Variants in LHFPL3 observed in about 807,000 individuals in gnomAD.
The protein encoded by LHFPL3 is LHFPL tetraspan subfamily member 3 protein.
Under a neutral mutation model 19.3 loss-of-function variants are expected in LHFPL3, and 5 were observed. The observed-to-expected ratio is 0.26, with a 90% CI of 0.14 to 0.54. The LOEUF is 0.54. LHFPL3 is among the 20% of genes least tolerant of loss of function. The pLI, the probability that LHFPL3 is intolerant of heterozygous loss-of-function variation, is 0.94. For missense variants in LHFPL3, 249 were observed against 307.4 expected (o/e 0.81, Z 1.42); for synonymous variants, 133 against 126.2 (o/e 1.05, Z -0.36).
At chr7:104,569,426 G>A (rs939416638) in intron 1 of LHFPL3, among the ~76,000 whole-genome samples, 3 of 152,268 alleles carry the variant, frequency 2.0e-5, no homozygotes, top group Non-Finnish European at 2.9e-5. Flanking sequence ...AATGTAGAAA[G>A]AACTGCACAC....
intron 2 of LHFPL3, among the ~76,000 whole-genome samples, chr7:104,846,193 T>A (rs1192131483): frequency 1.3e-5 from 2 of 152,074 alleles, no homozygotes; most frequent in Non-Finnish European, 2.9e-5. Flanking sequence ...CCAAACTGAG[T>A]GATTTCAATA....
Position 104,328,924 on chromosome 7 carries a change from A to G in LHFPL3, c.145A>G (p.Ile49Val). The change falls in exon 1 of 3, where the codon ATC becomes GTC. Residue 49 changes from isoleucine to valine, a missense_variant. Coordinates refer to ENST00000424859, the MANE Select transcript of LHFPL3 (RefSeq NM_199000.3). This position sits in a 1 kb window ranked among gnomAD's most constrained non-coding sequence, Gnocchi z 4.6. ...GGCCATCTTCACCATCTGCTTTGCC[A>G]TCGTCAACGTGGTGTGCTTCATCCA... ...LWAIFTICFA[I>V]VNVVCFIQPY... The G allele has an allele frequency of 6.2e-7, 1 of 1,614,140 alleles. No homozygotes were observed. Among genetic ancestry groups the G allele is most frequent in the Non-Finnish European group, 8.5e-7 (1 of 1,180,016 alleles).
chr7:104,670,498 A>G (rs1198388314), intron 1 of LHFPL3, among the ~76,000 whole-genome samples: 1 of 152,186 alleles, frequency 6.6e-6, no homozygotes, highest in East Asian at 1.9e-4. Flanking sequence ...TAAGTTCTTC[A>G]TGCTACTCTT....
intron 1 of LHFPL3, among the ~76,000 whole-genome samples, chr7:104,700,665 CAGAGA>C: frequency 6.6e-6 from 1 of 152,318 alleles, no homozygotes; most frequent in Non-Finnish European, 1.5e-5. Flanking sequence ...ATGGGTGACT[CAGAGA>C]AGAGTATTTT....
At chr7:104,873,097 A>G (rs912783222) in intron 2 of LHFPL3, among the ~76,000 whole-genome samples, 4 of 152,218 alleles carry the variant, frequency 2.6e-5, no homozygotes, top group African/African-American at 9.6e-5. Context: ...TGGGACCACC[A>G]TCATATATGC....
At chr7:104,491,097 T>C (rs1793337533) in intron 1 of LHFPL3, among the ~76,000 whole-genome samples, 1 of 152,150 alleles carries the variant, frequency 6.6e-6, no homozygotes, top group Non-Finnish European at 1.5e-5. Flanking sequence ...ACAGAAGCCA[T>C]GGGCCTCAGT....
In LHFPL3 at chr7:104,443,440, T is replaced by A. The variant is rs185222571; in HGVS notation, c.445+114216T>A. On this transcript the variant is annotated intron_variant, in intron 1 of 2. Transcript: ENST00000424859. ...TATTGTGTAACTTATCAAGCGCCAC[T>A]AGACATCTTGGTATGACCCCCTCCC... 2.7e-4 allele frequency among the ~76,000 whole-genome samples: 41 copies of A among 152,310 alleles called. No homozygotes were observed. The East Asian group carries it at 7.3e-3, about 27-fold the overall frequency.
chr7:104,668,905 C>A, intron 1 of LHFPL3: 1 of 1,612,324 alleles, frequency 6.2e-7, no homozygotes, highest in Non-Finnish European at 8.5e-7. Flanking sequence ...GAAGTTGCAG[C>A]GTCAGCTGGA....
chr7:104,746,512 G>T (rs1194938564), intron 2 of LHFPL3, among the ~76,000 whole-genome samples: 1 of 152,204 alleles, frequency 6.6e-6, no homozygotes, highest in East Asian at 1.9e-4. Context: ...TCACCAGTTT[G>T]TTTTATTATA....
intron 1 of LHFPL3, among the ~76,000 whole-genome samples, chr7:104,430,405 C>CACAT (rs1791953828): frequency 4.5e-5 from 1 of 22,456 alleles, no homozygotes; most frequent in African/African-American, 1.9e-4. Context: ...TATATATATA[C>CACAT]ATATATATAT....
intron 1 of LHFPL3, among the ~76,000 whole-genome samples, chr7:104,344,177 T>C (rs1271767750): frequency 6.6e-6 from 1 of 152,180 alleles, no homozygotes; most frequent in Non-Finnish European, 1.5e-5. Context: ...GATTTTCTAA[T>C]GTTGAAGTAA....
intron 1 of LHFPL3, among the ~76,000 whole-genome samples, chr7:104,683,861 T>C (rs888015549): frequency 1.3e-5 from 2 of 152,262 alleles, no homozygotes; most frequent in African/African-American, 4.8e-5. Flanking sequence ...TTTCCATTTA[T>C]TCAAATTAAA....
intron 1 of LHFPL3, among the ~76,000 whole-genome samples, chr7:104,354,937 G>A (rs1790246755): frequency 6.6e-6 from 1 of 151,792 alleles, no homozygotes; most frequent in African/African-American, 2.4e-5. Context: ...TTTTCTTTTT[G>A]TACTGTCTTT....
intron 1 of LHFPL3, among the ~76,000 whole-genome samples, chr7:104,495,590 A>G (rs550643770): frequency 5.5e-4 from 83 of 152,196 alleles, no homozygotes; most frequent in African/African-American, 1.3e-3. Context: ...TCACCATGTT[A>G]GCCAGGATGG....
At chr7:104,470,950 C>G (rs1006454458) in intron 1 of LHFPL3, among the ~76,000 whole-genome samples, 1 of 152,092 alleles carries the variant, frequency 6.6e-6, no homozygotes, top group Non-Finnish European at 1.5e-5. Context: ...CCCCCTGCCC[C>G]TAGCTCACAG....
rs938725335 is a variant in LHFPL3, at chr7:104,899,820, C to T, written c.683-6367C>T. 2.8e-4 allele frequency among the ~76,000 whole-genome samples: 42 copies of T among 152,256 alleles called. 1 individual carries two copies. Among genetic ancestry groups the T allele is most frequent in the African/African-American group, 1.0e-3 (42 of 41,552 alleles). On this transcript the variant is annotated intron_variant, in intron 2 of 2. Coordinates refer to ENST00000424859, the MANE Select transcript of LHFPL3 (RefSeq NM_199000.3). ...GATCTCAACTCACTGCAACCTCTGC[C>T]TCCTGGGTTCAAGTGATTATCCTGC...
intron 1 of LHFPL3, among the ~76,000 whole-genome samples, chr7:104,369,370 A>G (rs1045168011): frequency 7.2e-5 from 11 of 152,236 alleles, no homozygotes; most frequent in Admixed American, 1.3e-4. Context: ...AATGCTTTTA[A>G]GCACCGTACA....
At chr7:104,601,654 TA>T (rs1297942699) in intron 1 of LHFPL3, among the ~76,000 whole-genome samples, 1 of 152,158 alleles carries the variant, frequency 6.6e-6, no homozygotes, top group African/African-American at 2.4e-5. Flanking sequence ...TTGGACATCT[TA>T]TTGCCCACAG....
intron 2 of LHFPL3, among the ~76,000 whole-genome samples, chr7:104,822,649 C>T (rs1278837882): frequency 6.6e-6 from 1 of 152,138 alleles, no homozygotes; most frequent in Non-Finnish European, 1.5e-5. Flanking sequence ...AATAGTTTTT[C>T]TTATTCACAC....
Sources: allele counts gnomAD v4.1 joint callset (sites outside exome capture counted in the v4.1 genomes callset), GRCh38; gene constraint gnomAD v4.1.1; non-coding constraint Gnocchi (gnomAD v3.1); transcripts MANE v1.5; gene names NCBI Gene and HGNC (gene_info 2026-07-23, HGNC 2026-07-21).